Variants in ANK3 observed in about 807,000 individuals in gnomAD.
ANK3 encodes ankyrin 3.
In ANK3, 57 loss-of-function variants were observed where a neutral mutation model predicts 370.9. That is an observed-to-expected ratio of 0.15 (90% CI 0.12 to 0.19). ANK3 has a LOEUF of 0.19. ANK3 is among the 10% of genes least tolerant of loss of function. ANK3 has a pLI of 1.00. For synonymous variants in ANK3, 1,929 were observed against 1,946.3 expected, an observed-to-expected ratio of 0.99 and a Z score of 0.23; for missense variants, 4,439 against 5,302.1, an observed-to-expected ratio of 0.84 and a Z score of 5.06.
chr10:60,172,517 A>T, intron 20 of ANK3, 114 bp from the exon 21 acceptor site: 1 of 809,502 alleles, frequency 1.2e-6, no homozygotes, highest in Non-Finnish European at 2.0e-6. Flanking sequence ...TCATACACAA[A>T]TAAGTGTTTC....
intron 1 of ANK3, among the ~76,000 whole-genome samples, chr10:60,302,619 A>G (rs1050274653): frequency 1.3e-5 from 2 of 152,208 alleles, no homozygotes; most frequent in Non-Finnish European, 2.9e-5. Context: ...CAGTATTTAT[A>G]TCTAATTCTA....
chr10:60,438,262 T>C (rs1242041343), intron 2 of ANK3, among the ~76,000 whole-genome samples: 1 of 151,730 alleles, frequency 6.6e-6, no homozygotes, highest in East Asian at 1.9e-4. Context: ...TATATATATA[T>C]GTATGTATGT....
rs182731142 is a variant in ANK3, at chr10:60,430,289, C to A, written c.97-150650G>T. On this transcript the variant is annotated intron_variant, in intron 2 of 43. Transcript: ENST00000373827. ...CATAGGAGTGTGTGGGAATACCAGC[C>A]CAGAATTCACTGGTCTGTACCCTGT... Among the ~76,000 whole-genome samples the A allele has an allele frequency of 4.0e-3, 611 of 152,066 alleles. 3 individuals are homozygous for A. Among genetic ancestry groups the A allele is most frequent in the Non-Finnish European group, 6.4e-3 (437 of 67,990 alleles).
At chr10:60,520,680 C>T (rs573839265) in intron 2 of ANK3, among the ~76,000 whole-genome samples, 2 of 152,202 alleles carry the variant, frequency 1.3e-5, no homozygotes, top group South Asian at 4.2e-4. Context: ...CCAGTCTTTT[C>T]TATTTTTTGT....
At chr10:60,177,157 G>C (rs1277359652) in intron 18 of ANK3, among the ~76,000 whole-genome samples, 1 of 152,068 alleles carries the variant, frequency 6.6e-6, no homozygotes, top group Non-Finnish European at 1.5e-5. Context: ...ATTCTTTCCT[G>C]ATTTCTCCTC....
intron 1 of ANK3, among the ~76,000 whole-genome samples, chr10:60,280,636 T>G (rs1592981473): frequency 6.6e-6 from 1 of 152,298 alleles, no homozygotes; most frequent in South Asian, 2.1e-4. Flanking sequence ...CCTGCAAAAT[T>G]TGTAAAGAAG....
At chr10:60,677,251 T>A (rs2079137127) in intron 1 of ANK3, among the ~76,000 whole-genome samples, 1 of 152,224 alleles carries the variant, frequency 6.6e-6, no homozygotes, top group African/African-American at 2.4e-5. Context: ...AAGAACTGAA[T>A]GACCACAATT....
intron 2 of ANK3, among the ~76,000 whole-genome samples, chr10:60,449,435 G>C (rs914844141): frequency 6.6e-6 from 1 of 152,144 alleles, no homozygotes; most frequent in Non-Finnish European, 1.5e-5. Context: ...GTGTTCAGTA[G>C]CCATACGTAG....
chr10:60,046,918 T>C (rs1432572607), intron 42 of ANK3, among the ~76,000 whole-genome samples: 3 of 151,468 alleles, frequency 2.0e-5, no homozygotes, highest in Admixed American at 6.6e-5. Context: ...GCCATTCTCC[T>C]GCCTCAGCCT....
intron 2 of ANK3, among the ~76,000 whole-genome samples, chr10:60,569,691 A>G (rs992869287): frequency 6.6e-6 from 1 of 152,248 alleles, no homozygotes; most frequent in Non-Finnish European, 1.5e-5. Context: ...AAATGTCTCA[A>G]GAGAGACTTT....
chr10:60,053,935 C>G (rs2078609719), intron 42 of ANK3, among the ~76,000 whole-genome samples: 5 of 152,126 alleles, frequency 3.3e-5, no homozygotes, highest in Admixed American at 2.6e-4. Context: ...TATAATAGGA[C>G]TCGAAACCAA....
intron 1 of ANK3, among the ~76,000 whole-genome samples, chr10:60,686,965 T>C (rs1322398887): frequency 1.3e-5 from 2 of 152,256 alleles, no homozygotes; most frequent in African/African-American, 4.8e-5. Flanking sequence ...CTATTTTTAC[T>C]GTATCATTTC....
At chr10:60,474,216 C>T (rs565702520) in intron 2 of ANK3, among the ~76,000 whole-genome samples, 2 of 152,136 alleles carry the variant, frequency 1.3e-5, no homozygotes, top group African/African-American at 4.8e-5. Context: ...TAGAAATCCA[C>T]TATCCTTCAG....
At position 60,084,831 on chromosome 10, in the gene ANK3, C is replaced by A; in HGVS notation, c.3846-1G>T. Reference sequence around the variant, plus strand: ...TTGATGGCAGTCTGCAAGCCAAAATCTGAGCAAAACAAAAAACAGAAGTAT... The same window carrying A: ...TTGATGGCAGTCTGCAAGCCAAAATATGAGCAAAACAAAAAACAGAAGTAT... On this transcript the variant is annotated splice_acceptor_variant, in intron 31 of 43. Transcript: ENST00000280772. LOFTEE classifies it high-confidence loss of function. The A allele has an allele frequency of 6.6e-7, 1 of 1,522,024 alleles. No individual in the cohort carries two copies. Among genetic ancestry groups the A allele is most frequent in the Non-Finnish European group, 8.8e-7 (1 of 1,139,292 alleles). 94.3% of individuals were successfully genotyped at this position (1,522,024 alleles called of 1,614,324 possible). A position where few individuals can be genotyped will look rare whatever the true frequency, so the allele number is the denominator to read the frequency against.
intron 23 of ANK3, among the ~76,000 whole-genome samples, chr10:60,146,293 C>T (rs775368124): frequency 3.9e-5 from 6 of 152,102 alleles, no homozygotes; most frequent in African/African-American, 1.2e-4. Flanking sequence ...AGGAGATGCA[C>T]GCTATTAATG....
At chr10:60,587,806 G>A (rs1182561268) in intron 2 of ANK3, among the ~76,000 whole-genome samples, 1 of 152,130 alleles carries the variant, frequency 6.6e-6, no homozygotes, top group Admixed American at 6.5e-5. Flanking sequence ...TTTAGAAACT[G>A]TACCTCAAAG....
intron 2 of ANK3, among the ~76,000 whole-genome samples, chr10:60,569,215 A>G (rs2077534128): frequency 6.6e-6 from 1 of 152,222 alleles, no homozygotes; most frequent in Non-Finnish European, 1.5e-5. Flanking sequence ...CTATAGGATC[A>G]GTTACTCTAC....
At chr10:60,604,571 A>G (rs1595342753) in intron 2 of ANK3, among the ~76,000 whole-genome samples, 1 of 152,332 alleles carries the variant, frequency 6.6e-6, no homozygotes, top group East Asian at 1.9e-4. Flanking sequence ...AACGAATCTA[A>G]GCAGCAGTTC....
intron 24 of ANK3, 124 bp downstream of exon 24, chr10:60,138,840 G>A (rs1357546965): frequency 4.6e-6 from 6 of 1,302,198 alleles, no homozygotes; most frequent in Non-Finnish European, 6.3e-6. Context: ...AGAACATTTC[G>A]CTAAATTCAC....
Sources: allele counts gnomAD v4.1 joint callset (sites outside exome capture counted in the v4.1 genomes callset), GRCh38; gene constraint gnomAD v4.1.1; transcripts MANE v1.5; gene names NCBI Gene and HGNC (gene_info 2026-07-23, HGNC 2026-07-21).